The following RNF175 variants were observed in gnomAD, a reference collection of about 807,000 sequenced individuals.
RNF175 encodes the protein ring finger protein 175.
RNF175 carries 38 observed loss-of-function variants against 50.0 expected under a neutral mutation model. The ratio of observed to expected loss-of-function variants is 0.76; its 90% CI spans 0.59 to 1.00. The LOEUF is 1.00. Among genes scored for constraint, RNF175 ranks in the 50% least tolerant of loss-of-function variants. The probability of loss-of-function intolerance (pLI) is 0.00; values close to 1 mark genes in which losing one functional copy is unlikely to be tolerated. For synonymous variants in RNF175, 155 were observed against 146.1 expected (o/e 1.06, Z -0.44); for missense variants, 388 against 409.6 (o/e 0.95, Z 0.46).
chr4:153,711,607 A>G (rs1737585040), intron 8 of RNF175, among the ~76,000 whole-genome samples: 1 of 152,242 alleles, frequency 6.6e-6, no homozygotes, highest in East Asian at 1.9e-4. Flanking sequence ...CTTAGAAAGT[A>G]CAGAAAGGCT....
intron 3 of RNF175, among the ~76,000 whole-genome samples, chr4:153,738,726 G>C (rs1450646192): frequency 1.3e-5 from 2 of 152,040 alleles, no homozygotes; most frequent in African/African-American, 4.8e-5. Context: ...AGTGATTATT[G>C]ATATAGTTGG....
intron 6 of RNF175, among the ~76,000 whole-genome samples, chr4:153,718,249 T>TTTTTTTTTTTTTTTTTTTTTTC: frequency 7.2e-6 from 1 of 137,976 alleles, no homozygotes; most frequent in Non-Finnish European, 1.5e-5. Context: ...TTTTTTTTTT[T>TTTTTTTTTTTTTTTTTTTTTTC]TTTGAAGCAG....
At chr4:153,735,931 T>C (rs1056857529) in intron 3 of RNF175, among the ~76,000 whole-genome samples, 1 of 152,234 alleles carries the variant, frequency 6.6e-6, no homozygotes, top group African/African-American at 2.4e-5. Context: ...TGTAAGATGG[T>C]TTTAATTTTT....
intron 2 of RNF175, among the ~76,000 whole-genome samples, chr4:153,750,295 G>T (rs1740214199): frequency 1.3e-5 from 2 of 152,252 alleles, no homozygotes; most frequent in East Asian, 3.9e-4. Flanking sequence ...ACCTTTTAAA[G>T]GCACTTGATG....
intron 3 of RNF175, among the ~76,000 whole-genome samples, chr4:153,742,994 C>A (rs1214400958): frequency 6.6e-6 from 1 of 152,052 alleles, no homozygotes; most frequent in East Asian, 1.9e-4. Context: ...TTATACATGC[C>A]AAGAACAACA....
intron 3 of RNF175, among the ~76,000 whole-genome samples, chr4:153,732,401 G>C (rs547685501): frequency 6.6e-6 from 1 of 152,242 alleles, no homozygotes; most frequent in Admixed American, 6.5e-5. Flanking sequence ...AGGAGGTTCT[G>C]CAATGTTATA....
chr4:153,719,075 C>T (rs1165415818), intron 6 of RNF175, among the ~76,000 whole-genome samples: 1 of 152,022 alleles, frequency 6.6e-6, no homozygotes, highest in Non-Finnish European at 1.5e-5. Flanking sequence ...GTACTAAGAC[C>T]CACATGCATT....
At chr4:153,729,262 T>G (rs1738897931) in intron 3 of RNF175, among the ~76,000 whole-genome samples, 1 of 152,246 alleles carries the variant, frequency 6.6e-6, no homozygotes, top group Non-Finnish European at 1.5e-5. Flanking sequence ...AAGAGGGTTT[T>G]GTCTCAAGGG....
chr4:153,748,833 G>A (rs540199894), intron 2 of RNF175, 47 bp from the exon 3 acceptor site: 20 of 1,491,098 alleles, frequency 1.3e-5, no homozygotes, highest in Middle Eastern at 1.8e-4. Flanking sequence ...TCAACCTTGC[G>A]CATTTAGCAA....
intron 3 of RNF175, among the ~76,000 whole-genome samples, chr4:153,742,103 C>T (rs577688997): frequency 1.3e-5 from 2 of 151,898 alleles, no homozygotes; most frequent in South Asian, 4.2e-4. Context: ...AGTGAAACCC[C>T]GTCTCTACTA....
At chr4:153,737,482 C>T (rs1739413929) in intron 3 of RNF175, among the ~76,000 whole-genome samples, 1 of 152,100 alleles carries the variant, frequency 6.6e-6, no homozygotes, top group African/African-American at 2.4e-5. Context: ...GCTTTTGCTG[C>T]ATCCCAGAAA....
chr4:153,745,400 G>C (rs1397899643), intron 3 of RNF175, among the ~76,000 whole-genome samples: 1 of 152,168 alleles, frequency 6.6e-6, no homozygotes, highest in Non-Finnish European at 1.5e-5. Flanking sequence ...CAAGGTCTCA[G>C]GCCCAACAAG....
intron 1 of RNF175, among the ~76,000 whole-genome samples, chr4:153,752,958 TC>T (rs1233215592): frequency 6.6e-6 from 1 of 151,916 alleles, no homozygotes; most frequent in Non-Finnish European, 1.5e-5. Flanking sequence ...AATGAGGACT[TC>T]TATTGAAACA....
chr4:153,744,177 T>C (rs1043287487), intron 3 of RNF175, among the ~76,000 whole-genome samples: 3 of 152,090 alleles, frequency 2.0e-5, no homozygotes, highest in Non-Finnish European at 4.4e-5. Context: ...ATCCCAGCAC[T>C]TTGGGAGGCC....
At chr4:153,737,071 C>T (rs527663843) in intron 3 of RNF175, among the ~76,000 whole-genome samples, 13 of 152,312 alleles carry the variant, frequency 8.5e-5, no homozygotes, top group South Asian at 8.3e-4. Flanking sequence ...GTTGCCCAGG[C>T]TGGTCTTGAA....
At chr4:153,722,299 T>C (rs959998102) in intron 5 of RNF175, among the ~76,000 whole-genome samples, 5 of 152,230 alleles carry the variant, frequency 3.3e-5, no homozygotes, top group Non-Finnish European at 7.3e-5. Flanking sequence ...TGGTCAAAGA[T>C]GTGGTTATCC....
At chr4:153,748,562 C>G in intron 3 of RNF175, 83 bp downstream of exon 3, 1 of 1,326,524 alleles carries the variant, frequency 7.5e-7, no homozygotes, top group South Asian at 1.6e-5. Flanking sequence ...AAAGTGCTAA[C>G]CAAGGGAGAA....
At chr4:153,743,925 A>T (rs541873020) in intron 3 of RNF175, among the ~76,000 whole-genome samples, 19 of 152,274 alleles carry the variant, frequency 1.2e-4, no homozygotes, top group Non-Finnish European at 2.9e-5. Flanking sequence ...GAGTCATCTA[A>T]GGTCAGACCC....
chr4:153,758,631 C>T (rs973161821), intron 1 of RNF175, among the ~76,000 whole-genome samples: 3 of 152,126 alleles, frequency 2.0e-5, no homozygotes, highest in African/African-American at 4.8e-5. Flanking sequence ...TTTTAAGTTT[C>T]CCCATTTTGT....
Sources: allele counts gnomAD v4.1 joint callset (sites outside exome capture counted in the v4.1 genomes callset), GRCh38; gene constraint gnomAD v4.1.1; transcripts MANE v1.5; gene names NCBI Gene and HGNC (gene_info 2026-07-23, HGNC 2026-07-21).